Variants in GRIN2A observed in about 807,000 individuals in gnomAD.
The protein encoded by GRIN2A is glutamate ionotropic receptor NMDA type subunit 2A, also known as glutamate receptor ionotropic, NMDA 2A.
Under a neutral mutation model 113.4 loss-of-function variants are expected in GRIN2A, and 22 were observed. That is an observed-to-expected ratio of 0.19 (90% confidence interval 0.14 to 0.28). The LOEUF (loss-of-function observed/expected upper bound fraction) is 0.28. Ranked by LOEUF, GRIN2A falls within the 10% of genes least tolerant of loss-of-function variation. The pLI, the probability that GRIN2A is intolerant of heterozygous loss-of-function variation, is 1.00. For missense variants in GRIN2A, 1,502 were observed against 1,887.0 expected, an observed-to-expected ratio of 0.80 and a Z score of 3.78; for synonymous variants, 827 against 738.4, an observed-to-expected ratio of 1.12 and a Z score of -1.94.
intron 2 of GRIN2A, among the ~76,000 whole-genome samples, chr16:10,015,695 C>T (rs1028085391): frequency 5.3e-5 from 8 of 152,154 alleles, no homozygotes; most frequent in African/African-American, 1.4e-4. Flanking sequence ...TGCATTCCCC[C>T]AGCAAACATT....
intron 2 of GRIN2A, among the ~76,000 whole-genome samples, chr16:9,981,807 G>C (rs1469110472): frequency 6.6e-6 from 1 of 152,102 alleles, no homozygotes; most frequent in South Asian, 2.1e-4. Context: ...ATTTATTTTT[G>C]AGACAGTCTT....
At chr16:9,771,394 AT>A (rs1417847841) in intron 11 of GRIN2A, among the ~76,000 whole-genome samples, 1 of 151,566 alleles carries the variant, frequency 6.6e-6, no homozygotes, top group African/African-American at 2.4e-5. Flanking sequence ...AATTTTATTT[AT>A]TTTAATTGTG....
At chr16:10,109,671 AT>A (rs1295178990) in intron 2 of GRIN2A, among the ~76,000 whole-genome samples, 1 of 152,042 alleles carries the variant, frequency 6.6e-6, no homozygotes, top group Non-Finnish European at 1.5e-5. Flanking sequence ...AAGACCTACC[AT>A]TTAATAAATG....
chr16:9,867,528 T>G (rs549857841), intron 4 of GRIN2A, among the ~76,000 whole-genome samples: 1 of 152,182 alleles, frequency 6.6e-6, no homozygotes, highest in African/African-American at 2.4e-5. Context: ...ATCCCAGCCC[T>G]TGGGCTCTAG....
At chr16:9,823,350 G>T (rs2042324296) in intron 9 of GRIN2A, among the ~76,000 whole-genome samples, 1 of 152,176 alleles carries the variant, frequency 6.6e-6, no homozygotes, top group Non-Finnish European at 1.5e-5. Flanking sequence ...TGGAACCCTA[G>T]ATAACACATT....
intron 2 of GRIN2A, among the ~76,000 whole-genome samples, chr16:10,022,424 T>A (rs899016808): frequency 6.6e-6 from 1 of 151,916 alleles, no homozygotes; most frequent in African/African-American, 2.4e-5. Context: ...AATCTCTTCC[T>A]TCTGTCTAGA....
chr16:10,094,381 G>A (rs1244296340), intron 2 of GRIN2A, among the ~76,000 whole-genome samples: 1 of 152,038 alleles, frequency 6.6e-6, no homozygotes, highest in African/African-American at 2.4e-5. Flanking sequence ...ATAGAATGTG[G>A]GTATACATGA....
chr16:10,039,401 T>G (rs1042745447), intron 2 of GRIN2A, among the ~76,000 whole-genome samples: 1 of 152,230 alleles, frequency 6.6e-6, no homozygotes, highest in Non-Finnish European at 1.5e-5. Flanking sequence ...AAATGTGGCT[T>G]TGTTTAAAAG....
At chr16:9,908,110 C>G (rs1270970490) in intron 3 of GRIN2A, among the ~76,000 whole-genome samples, 1 of 152,192 alleles carries the variant, frequency 6.6e-6, no homozygotes, top group East Asian at 1.9e-4. Context: ...AAATAGAGGT[C>G]TGAACTCTGC....
At chr16:10,097,630 T>G (rs902362701) in intron 2 of GRIN2A, among the ~76,000 whole-genome samples, 2 of 152,180 alleles carry the variant, frequency 1.3e-5, no homozygotes, top group Non-Finnish European at 2.9e-5. Flanking sequence ...TAGATCCTAG[T>G]GAGCCAGAGG....
At chr16:9,940,049 A>AGT (rs1287582703) in intron 2 of GRIN2A, among the ~76,000 whole-genome samples, 2 of 141,560 alleles carry the variant, frequency 1.4e-5, no homozygotes, top group Non-Finnish European at 3.1e-5. Context: ...AGAAAGAGAG[A>AGT]GAGAGAGAGA....
rs372087443 is a variant in GRIN2A at position 9,787,313 on chromosome 16, T to C, written c.2356+10964A>G. ...TAACCCAGAAAGTCCTTTCTCTTGA[T>C]TCCAGGCATTTCTATAATAATTTAA... On this transcript the variant is annotated intron_variant, in intron 11 of 12. Coordinates refer to ENST00000330684, the MANE Select transcript of GRIN2A (RefSeq NM_001134407.3). 2.3e-4 allele frequency among the ~76,000 whole-genome samples: 35 copies of C among 152,332 alleles called. 1 individual carries two copies. In the East Asian group the frequency reaches 6.4e-3, roughly 28 times the overall value.
At chr16:9,860,688 G>A (rs898588481) in intron 4 of GRIN2A, among the ~76,000 whole-genome samples, 3 of 152,058 alleles carry the variant, frequency 2.0e-5, no homozygotes, top group African/African-American at 7.2e-5. Flanking sequence ...CTGGGAGATG[G>A]CTGCAGGATC....
chr16:10,027,006 T>C (rs2046835029), intron 2 of GRIN2A, among the ~76,000 whole-genome samples: 1 of 152,184 alleles, frequency 6.6e-6, no homozygotes, highest in Non-Finnish European at 1.5e-5. Context: ...GGGCTTCCTT[T>C]TGCCTTTCCC....
At chr16:9,832,955 A>G (rs1356726655) in intron 8 of GRIN2A, among the ~76,000 whole-genome samples, 1 of 152,196 alleles carries the variant, frequency 6.6e-6, no homozygotes, top group Non-Finnish European at 1.5e-5. Flanking sequence ...AGTATTTCCA[A>G]TATTAAAACA....
chr16:10,005,534 G>T (rs2046391053), intron 2 of GRIN2A, among the ~76,000 whole-genome samples: 1 of 152,214 alleles, frequency 6.6e-6, no homozygotes, highest in Non-Finnish European at 1.5e-5. Context: ...ACGTAAAGAG[G>T]TAAACTGGGG....
intron 2 of GRIN2A, among the ~76,000 whole-genome samples, chr16:10,074,368 T>C (rs546618013): frequency 6.6e-6 from 1 of 152,350 alleles, no homozygotes; most frequent in South Asian, 2.1e-4. Flanking sequence ...AGCAATTCCA[T>C]TTCTAGGTAT....
intron 3 of GRIN2A, among the ~76,000 whole-genome samples, chr16:9,918,273 T>C (rs2044291385): frequency 6.6e-6 from 1 of 152,212 alleles, no homozygotes; most frequent in African/African-American, 2.4e-5. Context: ...CCACAGGGAA[T>C]ATGTTCCAAG....
intron 2 of GRIN2A, among the ~76,000 whole-genome samples, chr16:9,998,478 T>A (rs1424363388): frequency 6.6e-6 from 1 of 152,216 alleles, no homozygotes; most frequent in Non-Finnish European, 1.5e-5. Context: ...TCGAAGGTCC[T>A]TGCACAACAT....
Sources: allele counts gnomAD v4.1 joint callset (sites outside exome capture counted in the v4.1 genomes callset), GRCh38; gene constraint gnomAD v4.1.1; transcripts MANE v1.5; gene names NCBI Gene and HGNC (gene_info 2026-07-23, HGNC 2026-07-21).